GLI3: variants seen among roughly 807,000 people sequenced by gnomAD.
GLI3 encodes the protein GLI family zinc finger 3.
GLI3 carries 20 observed loss-of-function variants against 100.8 expected under a neutral mutation model. That is an observed-to-expected ratio of 0.20 (90% CI 0.14 to 0.29). The LOEUF is 0.29. Among genes scored for constraint, GLI3 ranks in the 10% least tolerant of loss-of-function variants. GLI3 has a pLI of 1.00. For synonymous variants in GLI3, 938 were observed against 860.5 expected, an observed-to-expected ratio of 1.09 and a Z score of -1.58; for missense variants, 2,040 against 2,128.5, an observed-to-expected ratio of 0.96 and a Z score of 0.82.
chr7:42,059,274 T>C (rs1784520798), intron 4 of GLI3, among the ~76,000 whole-genome samples: 1 of 152,046 alleles, frequency 6.6e-6, no homozygotes, highest in South Asian at 2.1e-4. Context: ...GGAGTCCAAA[T>C]AGTTCACGCA....
At chr7:42,041,398 G>A (rs1784133664) in intron 6 of GLI3, among the ~76,000 whole-genome samples, 1 of 152,198 alleles carries the variant, frequency 6.6e-6, no homozygotes, top group African/African-American at 2.4e-5. Context: ...AAGACACAGA[G>A]ATGAATGTGG....
intron 3 of GLI3, among the ~76,000 whole-genome samples, chr7:42,088,696 A>T (rs531682886): frequency 6.6e-6 from 1 of 152,200 alleles, no homozygotes; most frequent in Non-Finnish European, 1.5e-5. Context: ...AGAGGAATTC[A>T]GTTTGCCAGC....
rs144969666 is a variant in GLI3, at chr7:42,186,471, C to G, written c.124+36659G>C. ...AGTATTTGAAAGGCCTTTTGAGAGT[C>G]TCAAAACAAGATCATGTGCTCACAA... On this transcript the variant is annotated intron_variant, in intron 2 of 14. Transcript: ENST00000395925. 4.9e-4 allele frequency among the ~76,000 whole-genome samples: 75 copies of G among 152,244 alleles called. 1 individual carries two copies. Among genetic ancestry groups the G allele is most frequent in the African/African-American group, 1.6e-3 (67 of 41,526 alleles).
chr7:42,103,014 CT>C (rs1261294232), intron 3 of GLI3, among the ~76,000 whole-genome samples: 1 of 152,210 alleles, frequency 6.6e-6, no homozygotes, highest in Non-Finnish European at 1.5e-5. Flanking sequence ...TGAACATGTA[CT>C]AACTCACACT....
At chr7:42,125,381 A>C (rs1367360151) in intron 3 of GLI3, among the ~76,000 whole-genome samples, 1 of 152,232 alleles carries the variant, frequency 6.6e-6, no homozygotes, top group African/African-American at 2.4e-5. Flanking sequence ...GGAGGAAGGC[A>C]GTCATCTGCT....
intron 2 of GLI3, among the ~76,000 whole-genome samples, chr7:42,184,033 GATA>G (rs1227356415): frequency 6.6e-6 from 1 of 152,202 alleles, no homozygotes; most frequent in Non-Finnish European, 1.5e-5. Context: ...AATGGGGAGG[GATA>G]ATGACAGTAG....
At position 41,966,578 on chromosome 7, in the gene GLI3, T is replaced by A. The variant is rs765491223; in HGVS notation, c.2495A>T (p.Asp832Val). ...GPMTLLPGRS[D>V]LSGVDVTMLN... The stretch of plus-strand genomic sequence containing the variant: ...CATAGTGACGTCCACCCCAGAGAGG[T>A]CGCTTCTGCCCGGGAGAAGCGTCAT... The change falls in exon 15 of 15, where the codon GAC (aspartate) becomes GTC (valine). Residue 832 changes from aspartate to valine, a missense_variant. Asp to Val is a radical substitution (Grantham distance 152, BLOSUM62 -3). This residue lies in a region of GLI3 where 327 missense variants were observed against 338.7 expected (regional missense o/e 0.97). Coordinates refer to ENST00000395925, the MANE Select transcript of GLI3 (RefSeq NM_000168.6). The surrounding 1 kb of genome is among the most constrained non-coding windows in gnomAD (Gnocchi z 5.8). 6.2e-7 allele frequency: 1 copy of A among 1,613,786 alleles called. No individual in the cohort carries two copies. Among genetic ancestry groups the A allele is most frequent in the South Asian group, 1.1e-5 (1 of 91,072 alleles).
At chr7:42,193,026 G>A (rs1445580103) in intron 2 of GLI3, among the ~76,000 whole-genome samples, 3 of 152,142 alleles carry the variant, frequency 2.0e-5, no homozygotes, top group African/African-American at 4.8e-5. Context: ...GATGGCCCCA[G>A]CAAGTTTAGG....
chr7:42,137,971 T>A (rs1432544983), intron 3 of GLI3, among the ~76,000 whole-genome samples: 1 of 152,210 alleles, frequency 6.6e-6, no homozygotes, highest in Non-Finnish European at 1.5e-5. Flanking sequence ...AAAACACTTC[T>A]AGTCCTAAGC....
intron 3 of GLI3, among the ~76,000 whole-genome samples, chr7:42,142,888 G>A (rs564785503): frequency 4.5e-4 from 64 of 142,732 alleles, no homozygotes; most frequent in Non-Finnish European, 7.6e-4. Context: ...GCAGTGAGCC[G>A]AGATTGCGCC....
chr7:42,098,304 A>C (rs1334062930), intron 3 of GLI3, among the ~76,000 whole-genome samples: 1 of 152,122 alleles, frequency 6.6e-6, no homozygotes, highest in Admixed American at 6.5e-5. Context: ...TAATGTACTA[A>C]AAACTGACCC....
At chr7:42,070,304 G>A (rs1056454352) in intron 4 of GLI3, among the ~76,000 whole-genome samples, 3 of 152,102 alleles carry the variant, frequency 2.0e-5, no homozygotes, top group African/African-American at 4.8e-5. Flanking sequence ...ATGGCTCTTC[G>A]CACACTGCTG....
rs141055349 is a variant in GLI3, at chr7:42,069,455, C to T, written c.473+7297G>A. ...ATGAGGAAACTATGTATGTAGGTGG[C>T]CTAAGATAGTTCTTGAAAATTAGGC... On this transcript the variant is annotated intron_variant, in intron 4 of 14. Transcript: ENST00000395925. Among the ~76,000 whole-genome samples the T allele has an allele frequency of 2.0e-5, 3 of 152,200 alleles. No individual in the cohort carries two copies. The East Asian group carries it at 5.8e-4, about 29-fold the overall frequency.
In GLI3 at chr7:42,190,327, T is replaced by A. The variant is rs1490126370; in HGVS notation, c.124+32803A>T. 6.6e-5 allele frequency among the ~76,000 whole-genome samples: 10 copies of A among 152,092 alleles called. No individual in the cohort carries two copies. In the East Asian group the frequency reaches 1.7e-3, roughly 26 times the overall value. ...AACAAACTAAAACACCACGGGCAAA[T>A]CCACCCAAGATTAGAAAGACAGACA... On this transcript the variant is annotated intron_variant, in intron 2 of 14. Transcript: ENST00000395925.
Position 41,972,354 on chromosome 7 carries a change from T to C in GLI3, c.2086A>G (p.Lys696Glu). Reference protein sequence around the residue: ...REECLQVKTVKAEKPMTSQPS... With the variant: ...REECLQVKTVEAEKPMTSQPS... The stretch of plus-strand genomic sequence containing the variant: ...TGACATACCATTGGCTTCTCTGCCT[T>C]GACGGTTTTCACCTGGAGGCATTCT... The change falls in exon 13 of 15, where the codon AAG (lysine) becomes GAG (glutamate). Residue 696 changes from lysine to glutamate, a missense_variant. Transcript: ENST00000395925. The surrounding 1 kb of genome is among the most constrained non-coding windows in gnomAD (Gnocchi z 4.4). 6.2e-7 allele frequency: 1 copy of C among 1,614,110 alleles called. No homozygotes were observed. Among genetic ancestry groups the C allele is most frequent in the Non-Finnish European group, 8.5e-7 (1 of 1,179,998 alleles).
intron 3 of GLI3, among the ~76,000 whole-genome samples, chr7:42,122,983 C>T (rs1357677781): frequency 6.6e-6 from 1 of 152,230 alleles, no homozygotes; most frequent in Non-Finnish European, 1.5e-5. Flanking sequence ...CTACTTCAAA[C>T]TTTTTATTAT....
Position 41,972,271 on chromosome 7 carries a change from T to C in GLI3, c.2103+66A>G. 1 of 1,466,922 alleles carries C rather than the reference T, an allele frequency of 6.8e-7. No individual in the cohort carries two copies. The highest frequency in any genetic ancestry group is 9.5e-7 in the Non-Finnish European group (1 of 1,047,248). The allele number at this position is 1,466,922 out of a possible 1,614,324, so 90.9% of individuals were successfully genotyped here. ...TGAGGACCGGGAAGTCCTGTCCCTC[T>C]ATGCACCCTACCTGGCTCTTTTAAA... On this transcript the variant is annotated intron_variant, in intron 13 of 14. Transcript: ENST00000395925. This position sits in a 1 kb window ranked among gnomAD's most constrained non-coding sequence, Gnocchi z 4.4.
intron 1 of GLI3, among the ~76,000 whole-genome samples, chr7:42,226,209 A>C (rs1418041986): frequency 6.6e-6 from 1 of 152,232 alleles, no homozygotes; most frequent in Non-Finnish European, 1.5e-5. Context: ...ATTTGAGTAG[A>C]GTCTACAACG....
chr7:42,182,664 A>ATATATATATATATACATGTGTG (rs1787629411), intron 2 of GLI3, among the ~76,000 whole-genome samples: 10 of 78,316 alleles, frequency 1.3e-4, no homozygotes, highest in African/African-American at 6.4e-4. Context: ...ATATATATAT[A>ATATATATATATATACATGTGTG]TATATATATA....
Sources: gnomAD v4.1 joint callset for allele counts (sites outside exome capture counted in the v4.1 genomes callset) on GRCh38, gnomAD v4.1.1 for gene constraint, gnomAD v4.1.1 regional missense constraint, Gnocchi (gnomAD v3.1) non-coding constraint, MANE v1.5 for transcripts, NCBI Gene and HGNC (gene_info 2026-07-23, HGNC 2026-07-21) for gene names.